Variants in IQCM observed in about 807,000 individuals in gnomAD.
IQCM encodes IQ motif containing M.
Under a neutral mutation model 57.6 loss-of-function variants are expected in IQCM, and 45 were observed. The ratio of observed to expected loss-of-function variants is 0.78; its 90% CI spans 0.62 to 1.00. The LOEUF (loss-of-function observed/expected upper bound fraction) is 1.00, where lower values mean the gene tolerates loss of function less well. Among genes scored for constraint, IQCM ranks in the 50% least tolerant of loss-of-function variants. The pLI, the probability that IQCM is intolerant of heterozygous loss-of-function variation, is 0.00. For synonymous variants in IQCM, 148 were observed against 158.9 expected (o/e 0.93, Z 0.51); for missense variants, 468 against 511.6 (o/e 0.91, Z 0.82).
At chr4:149,698,094 T>C (rs1763473655) in intron 5 of IQCM, among the ~76,000 whole-genome samples, 1 of 151,994 alleles carries the variant, frequency 6.6e-6, no homozygotes, top group African/African-American at 2.4e-5. Context: ...CTGAATACTT[T>C]GTACTTCATT....
intron 7 of IQCM, among the ~76,000 whole-genome samples, chr4:149,650,531 T>A (rs1759076711): frequency 6.6e-6 from 1 of 151,962 alleles, no homozygotes; most frequent in Non-Finnish European, 1.5e-5. Flanking sequence ...TAGCTGGGAT[T>A]ACAAGTACCT....
In IQCM at chr4:149,756,997, G is replaced by A. The variant is rs144154998; in HGVS notation, c.-48-14258C>T. On this transcript the variant is annotated intron_variant, in intron 2 of 13. Transcript: ENST00000636793. ...TAGATGGCCGGGTGTGGTGGCTCAC[G>A]CCTGTAATCCCAGCACTTTGGGAGG... Among the ~76,000 whole-genome samples, 12 of 152,308 alleles carry A rather than the reference G, an allele frequency of 7.9e-5. No homozygotes were observed. In the East Asian group the frequency reaches 1.3e-3, roughly 17 times the overall value.
At chr4:149,791,713 TA>T (rs1337897267) in intron 2 of IQCM, among the ~76,000 whole-genome samples, 1 of 152,176 alleles carries the variant, frequency 6.6e-6, no homozygotes, top group Non-Finnish European at 1.5e-5. Context: ...ATAAGTAACA[TA>T]ACCATACTTC....
chr4:149,567,730 A>C (rs1000639195), intron 9 of IQCM, among the ~76,000 whole-genome samples: 2 of 152,194 alleles, frequency 1.3e-5, no homozygotes, highest in African/African-American at 2.4e-5. Context: ...AGATGGCTTC[A>C]GGATCATACC....
At chr4:149,476,206 T>C (rs1298875846) in intron 12 of IQCM, among the ~76,000 whole-genome samples, 2 of 152,138 alleles carry the variant, frequency 1.3e-5, no homozygotes, top group Non-Finnish European at 2.9e-5. Context: ...GGCACATCTA[T>C]GGCAGCAAGA....
At chr4:149,441,706 G>T (rs1171871854) in intron 12 of IQCM, among the ~76,000 whole-genome samples, 1 of 152,132 alleles carries the variant, frequency 6.6e-6, no homozygotes, top group Non-Finnish European at 1.5e-5. Context: ...GGTCTCATGT[G>T]TATTATGGGA....
chr4:149,427,604 T>G (rs1301078791), intron 13 of IQCM, among the ~76,000 whole-genome samples: 1 of 152,018 alleles, frequency 6.6e-6, no homozygotes, highest in African/African-American at 2.4e-5. Flanking sequence ...ACATTTTTTG[T>G]AACTTGAACA....
chr4:149,371,665 C>T (rs558926529), intron 13 of IQCM, among the ~76,000 whole-genome samples: 31 of 152,188 alleles, frequency 2.0e-4, no homozygotes, highest in Non-Finnish European at 4.4e-4. Context: ...TAAAGCTCCA[C>T]AGAAATATGA....
chr4:149,383,170 A>G (rs1029865714), intron 13 of IQCM, among the ~76,000 whole-genome samples: 1 of 152,112 alleles, frequency 6.6e-6, no homozygotes, highest in African/African-American at 2.4e-5. Context: ...TAAGATTTTG[A>G]TGTCTGGTTA....
intron 12 of IQCM, among the ~76,000 whole-genome samples, chr4:149,455,352 A>G (rs1053866492): frequency 3.9e-5 from 6 of 152,026 alleles, no homozygotes; most frequent in Admixed American, 3.9e-4. Flanking sequence ...CCCAACTCCT[A>G]CCTGGCACCC....
At chr4:149,679,531 T>C (rs907830071) in intron 7 of IQCM, among the ~76,000 whole-genome samples, 1 of 151,592 alleles carries the variant, frequency 6.6e-6, no homozygotes, top group Admixed American at 6.6e-5. Flanking sequence ...AATGGTTCTG[T>C]CATAAAGAGA....
At chr4:149,679,757 T>A (rs987669114) in intron 7 of IQCM, among the ~76,000 whole-genome samples, 8 of 151,526 alleles carry the variant, frequency 5.3e-5, no homozygotes, top group African/African-American at 1.9e-4. Context: ...TTATATATTA[T>A]CTTGTTAAAT....
chr4:149,551,773 C>T (rs763725697), intron 11 of IQCM, among the ~76,000 whole-genome samples: 6 of 151,970 alleles, frequency 3.9e-5, no homozygotes, highest in Admixed American at 1.3e-4. Flanking sequence ...GGAGAGTTTA[C>T]GGGCAAAAGT....
chr4:149,768,136 A>G (rs1358765243), intron 2 of IQCM, among the ~76,000 whole-genome samples: 1 of 152,140 alleles, frequency 6.6e-6, no homozygotes, highest in Non-Finnish European at 1.5e-5. Flanking sequence ...GGTTCTGTTC[A>G]CAAGTCTTGC....
intron 13 of IQCM, among the ~76,000 whole-genome samples, chr4:149,355,936 C>G (rs1318206809): frequency 1.3e-5 from 2 of 152,128 alleles, no homozygotes. Context: ...GATCGCCATT[C>G]TAACTGGTGT....
At chr4:149,383,966 A>C (rs1349795947) in intron 13 of IQCM, among the ~76,000 whole-genome samples, 2 of 152,106 alleles carry the variant, frequency 1.3e-5, no homozygotes, top group East Asian at 3.9e-4. Flanking sequence ...AAAAAAGAAG[A>C]ATATTCCAGA....
chr4:149,664,022 TC>T (rs1398968317), intron 7 of IQCM, among the ~76,000 whole-genome samples: 4 of 152,138 alleles, frequency 2.6e-5, no homozygotes, highest in African/African-American at 9.7e-5. Context: ...TGATTCTTTT[TC>T]CTCTGGATTA....
chr4:149,581,636 T>C (rs910467397), intron 9 of IQCM, among the ~76,000 whole-genome samples: 1 of 151,718 alleles, frequency 6.6e-6, no homozygotes, highest in African/African-American at 2.4e-5. Flanking sequence ...CCCCTAAAGC[T>C]GACATGACGG....
chr4:149,761,067 C>A (rs1190398876), intron 2 of IQCM, among the ~76,000 whole-genome samples: 3 of 151,908 alleles, frequency 2.0e-5, no homozygotes, highest in Admixed American at 1.3e-4. Flanking sequence ...AAGGGGGGAC[C>A]ACTACTATTC....
Sources: allele counts gnomAD v4.1 joint callset (sites outside exome capture counted in the v4.1 genomes callset), GRCh38; gene constraint gnomAD v4.1.1; transcripts MANE v1.5; gene names NCBI Gene and HGNC (gene_info 2026-07-23, HGNC 2026-07-21).